HMCN1: variants seen among roughly 807,000 people sequenced by gnomAD.
The protein encoded by HMCN1 is hemicentin 1.
In HMCN1, 321 loss-of-function variants were observed where a neutral mutation model predicts 625.9. The observed-to-expected ratio is 0.51, with a 90% CI of 0.47 to 0.56. The LOEUF is 0.56. Ranked by LOEUF, HMCN1 falls within the 20% of genes least tolerant of loss-of-function variation. HMCN1 has a pLI of 0.00. For missense variants in HMCN1, 6,588 were observed against 6,887.3 expected (o/e 0.96, Z 1.54); for synonymous variants, 2,425 against 2,417.6 (o/e 1.00, Z -0.09).
chr1:186,001,965 C>A (rs1201851424), intron 28 of HMCN1, among the ~76,000 whole-genome samples: 1 of 151,924 alleles, frequency 6.6e-6, no homozygotes, highest in Non-Finnish European at 1.5e-5. Context: ...ATCATATATA[C>A]AGTAGTATCA....
In HMCN1 at chr1:186,125,845, C is replaced by T. The variant is rs756031510; in HGVS notation, c.12690+51C>T. On this transcript the variant is annotated intron_variant, in intron 82 of 106. Coordinates refer to ENST00000271588, the MANE Select transcript of HMCN1 (RefSeq NM_031935.3). The stretch of plus-strand genomic sequence containing the variant: ...ACATTAAGCCAGATTGTAAATTTGC[C>T]ATCATACTTTTAGTAATTTAGCATG... 6 of 1,416,290 alleles carry T rather than the reference C, an allele frequency of 4.2e-6. No individual in the cohort carries two copies. In the African/African-American group the frequency reaches 8.5e-5, roughly 20 times the overall value. 87.7% of individuals were successfully genotyped at this position (1,416,290 alleles called of 1,614,324 possible).
chr1:185,960,061 A>G (rs1476411665), intron 11 of HMCN1, among the ~76,000 whole-genome samples: 1 of 151,784 alleles, frequency 6.6e-6, no homozygotes, highest in Non-Finnish European at 1.5e-5. Context: ...GTTATTTGGT[A>G]GAAATCTAAT....
At chr1:186,121,813 G>A (rs943711759) in intron 80 of HMCN1, among the ~76,000 whole-genome samples, 2 of 152,164 alleles carry the variant, frequency 1.3e-5, no homozygotes, top group Non-Finnish European at 2.9e-5. Flanking sequence ...GAAAAGATTG[G>A]CAAGGACAAA....
chr1:186,097,205 G>A (rs189629376), intron 68 of HMCN1, among the ~76,000 whole-genome samples: 18 of 152,178 alleles, frequency 1.2e-4, no homozygotes, highest in East Asian at 5.8e-4. Flanking sequence ...AAAAATCACC[G>A]TACAAAAATC....
rs1394119238 is a variant in HMCN1 at position 185,815,623 on chromosome 1, G to A, written c.269-30403G>A. On this transcript the variant is annotated intron_variant, in intron 1 of 106. Coordinates refer to ENST00000271588, the MANE Select transcript of HMCN1 (RefSeq NM_031935.3). Reference sequence around the variant, plus strand: ...TAGTGTTAAAAGCATAAGACCAAGAGTTCTAGGTCTTAATATCAACACTAG... The same window carrying A: ...TAGTGTTAAAAGCATAAGACCAAGAATTCTAGGTCTTAATATCAACACTAG... Among the ~76,000 whole-genome samples, 8 of 149,798 alleles carry A rather than the reference G, an allele frequency of 5.3e-5. 3 individuals are homozygous for A. Among genetic ancestry groups the A allele is most frequent in the African/African-American group, 2.0e-4 (8 of 39,312 alleles).
intron 86 of HMCN1, 94 bp from the exon 87 acceptor site, chr1:186,136,574 C>A: frequency 8.8e-7 from 1 of 1,140,994 alleles, no homozygotes. Flanking sequence ...ACAAATCAAT[C>A]ACTTTTTTCA....
chr1:186,096,121 CT>C (rs1302113162), intron 68 of HMCN1, among the ~76,000 whole-genome samples: 1 of 152,090 alleles, frequency 6.6e-6, no homozygotes, highest in Non-Finnish European at 1.5e-5. Flanking sequence ...TGGCATTTTG[CT>C]TGTTTTTCTC....
chr1:186,097,133 C>T (rs1323230099), intron 68 of HMCN1, among the ~76,000 whole-genome samples: 1 of 152,146 alleles, frequency 6.6e-6, no homozygotes, highest in African/African-American at 2.4e-5. Flanking sequence ...TATAGAAAAC[C>T]TCTAAAGACT....
rs1558211870 is a variant in HMCN1, at chr1:186,087,495, A to C, written c.9213A>C (p.Val3071=). The C allele has an allele frequency of 6.2e-7, 1 of 1,613,206 alleles. No individual in the cohort carries two copies. The highest frequency in any genetic ancestry group is 8.5e-7 in the Non-Finnish European group (1 of 1,179,518). ...GTGAATCTCTTTCTGTAGTTAATGT[A>C]AGAGAGGGAACTTCTGTGTCTTTGG... ...HDSESLSVVN[V]REGTSVSLEC... Residue 3071 remains valine, a synonymous_variant, in exon 60 of 107, where the codon GTA becomes GTC. Coordinates refer to ENST00000271588, the MANE Select transcript of HMCN1 (RefSeq NM_031935.3).
chr1:186,145,195 C>A (rs1233462362), intron 91 of HMCN1, among the ~76,000 whole-genome samples: 1 of 152,252 alleles, frequency 6.6e-6, no homozygotes, highest in African/African-American at 2.4e-5. Flanking sequence ...TAAATTGAAT[C>A]ACACAAATAC....
rs547870040 is a variant in HMCN1, at chr1:186,119,893, C to T, written c.12094+11C>T. The T allele has an allele frequency of 1.8e-5, 29 of 1,613,954 alleles. No homozygotes were observed. Among genetic ancestry groups the T allele is most frequent in the Non-Finnish European group, 2.3e-5 (27 of 1,179,966 alleles). On this transcript the variant is annotated intron_variant, in intron 79 of 106. Transcript: ENST00000271588. ...ATGTTAACACTTCAGGTACCTACCA[C>T]TGTTTTTCTATCAAGAAAATCATAG...
intron 85 of HMCN1, 66 bp from the exon 86 acceptor site, chr1:186,132,262 G>C: frequency 1.8e-6 from 2 of 1,091,748 alleles, no homozygotes; most frequent in South Asian, 2.6e-5. Context: ...TAGCATCATG[G>C]TGAAAAAAGT....
chr1:186,083,353 A>G (rs571154736), intron 57 of HMCN1, among the ~76,000 whole-genome samples: 7 of 152,206 alleles, frequency 4.6e-5, no homozygotes, highest in African/African-American at 1.7e-4. Context: ...ATGTTGAGCT[A>G]TGTCCTCTAG....
At chr1:185,836,546 T>A (rs1661182587) in intron 1 of HMCN1, among the ~76,000 whole-genome samples, 1 of 152,198 alleles carries the variant, frequency 6.6e-6, no homozygotes, top group Non-Finnish European at 1.5e-5. Flanking sequence ...TTTCTCCATT[T>A]TGACTTTATT....
chr1:185,767,377 G>A (rs1655942024), intron 1 of HMCN1, among the ~76,000 whole-genome samples: 1 of 152,126 alleles, frequency 6.6e-6, no homozygotes, highest in Non-Finnish European at 1.5e-5. Context: ...AAATATTTCA[G>A]TTAAATGGTA....
At position 186,144,211 on chromosome 1, in the gene HMCN1, T is replaced by C; in HGVS notation, c.13963T>C (p.Cys4655Arg). 1.2e-6 allele frequency: 2 copies of C among 1,610,974 alleles called. No individual in the cohort carries two copies. The highest frequency in any genetic ancestry group is 8.5e-7 in the Non-Finnish European group (1 of 1,178,360). Reference protein sequence around the residue: ...AWSAWQPWGTCSESCGKGTQT... With the variant: ...AWSAWQPWGTRSESCGKGTQT... ...GAGCGCTTGGCAGCCTTGGGGAACA[T>C]GCAGCGAAAGTTGTGGGAAAGGTAC... Residue 4655 changes from cysteine to arginine, a missense_variant, in exon 90 of 107, where the codon TGC (cysteine) becomes CGC (arginine). Around this residue, in one of 3 missense-constraint regions of HMCN1, gnomAD observed 1,954 missense variants for 2,013.1 expected, o/e 0.97. Transcript: ENST00000271588.
At chr1:185,801,150 G>T (rs568752959) in intron 1 of HMCN1, among the ~76,000 whole-genome samples, 10 of 152,202 alleles carry the variant, frequency 6.6e-5, no homozygotes, top group African/African-American at 2.2e-4. Flanking sequence ...CTTCCTGAAA[G>T]AAAAAAAGTA....
In HMCN1 at chr1:185,789,638, A is replaced by G. The variant is rs551905276; in HGVS notation, c.268+54591A>G. Among the ~76,000 whole-genome samples, 5 of 149,992 alleles carry G rather than the reference A, an allele frequency of 3.3e-5. No homozygotes were observed. In the South Asian group the frequency reaches 6.2e-4, roughly 19 times the overall value. Reference sequence around the variant, plus strand: ...ATGACATATGACATATGACATATGAATGAAGAATGATACTTTCTCTACCAC... The same window carrying G: ...ATGACATATGACATATGACATATGAGTGAAGAATGATACTTTCTCTACCAC... On this transcript the variant is annotated intron_variant, in intron 1 of 106. Transcript: ENST00000271588.
intron 101 of HMCN1, 121 bp from the exon 102 acceptor site, chr1:186,171,885 A>G (rs755463195): frequency 1.5e-4 from 124 of 832,458 alleles, no homozygotes; most frequent in Middle Eastern, 3.0e-4. Context: ...TTAACCTTAC[A>G]CAATGATTAT....
Sources: gnomAD v4.1 joint callset for allele counts (sites outside exome capture counted in the v4.1 genomes callset) on GRCh38, gnomAD v4.1.1 for gene constraint, gnomAD v4.1.1 regional missense constraint, MANE v1.5 for transcripts, NCBI Gene and HGNC (gene_info 2026-07-23, HGNC 2026-07-21) for gene names.